Variants in ATP10B observed in about 807,000 individuals in gnomAD.
The protein encoded by ATP10B is ATPase phospholipid transporting 10B (putative).
In ATP10B, 122 loss-of-function variants were observed where a neutral mutation model predicts 141.2. The observed-to-expected ratio is 0.86, with a 90% CI of 0.75 to 1.00. The LOEUF is 1.00. Among genes scored for constraint, ATP10B ranks in the 50% least tolerant of loss-of-function variants. ATP10B has a pLI of 0.00. For missense variants in ATP10B, 1,876 were observed against 1,825.3 expected, an observed-to-expected ratio of 1.03 and a Z score of -0.51; for synonymous variants, 685 against 692.0, an observed-to-expected ratio of 0.99 and a Z score of 0.16.
the ATP10B span, among the ~76,000 whole-genome samples, chr5:160,892,537 G>A: frequency 6.6e-6 from 1 of 152,230 alleles, no homozygotes; most frequent in East Asian, 1.9e-4. Context: ...GGCTGTGGTA[G>A]GTTCCCACTT....
At chr5:160,793,232 G>A (rs1046415662) in intron 1 of ATP10B, among the ~76,000 whole-genome samples, 5 of 150,624 alleles carry the variant, frequency 3.3e-5, no homozygotes, top group African/African-American at 1.2e-4. Context: ...TACTCTTTAG[G>A]AGCCTATTTA....
chr5:160,626,679 C>T (rs1175596925), intron 13 of ATP10B, among the ~76,000 whole-genome samples: 5 of 152,222 alleles, frequency 3.3e-5, no homozygotes, highest in Non-Finnish European at 7.3e-5. Context: ...CCGAGTGGGG[C>T]CTGAGCATTG....
At chr5:160,798,268 T>C (rs541366236) in intron 1 of ATP10B, among the ~76,000 whole-genome samples, 2 of 152,274 alleles carry the variant, frequency 1.3e-5, no homozygotes, top group East Asian at 1.9e-4. Flanking sequence ...GGGGGTTATA[T>C]TGGGTTGGAA....
intron 1 of ATP10B, among the ~76,000 whole-genome samples, chr5:160,846,945 C>T (rs894455954): frequency 4.6e-5 from 7 of 152,146 alleles, no homozygotes; most frequent in African/African-American, 7.2e-5. Flanking sequence ...TGATCCTATG[C>T]GGTTGAAGCC....
At chr5:160,652,923 TATATTATATATAC>T (rs1760948337) in intron 7 of ATP10B, among the ~76,000 whole-genome samples, 4 of 81,560 alleles carry the variant, frequency 4.9e-5, no homozygotes, top group Non-Finnish European at 8.2e-5. Flanking sequence ...GTATATATAA[TATATTATATATAC>T]ATGTATATAT....
intron 2 of ATP10B, among the ~76,000 whole-genome samples, chr5:160,749,388 A>G (rs1275817444): frequency 6.6e-6 from 1 of 152,172 alleles, no homozygotes; most frequent in Admixed American, 6.5e-5. Context: ...CCACAGGAAG[A>G]AGGAGCTGGG....
chr5:160,835,619 TACC>T (rs1406241052), intron 1 of ATP10B, among the ~76,000 whole-genome samples: 1 of 152,118 alleles, frequency 6.6e-6, no homozygotes, highest in East Asian at 1.9e-4. Flanking sequence ...GGATAAATAT[TACC>T]ACATCATTTT....
At chr5:160,830,991 A>ACACACT (rs1554122998) in intron 1 of ATP10B, among the ~76,000 whole-genome samples, 6,590 of 150,730 alleles carry the variant, frequency 0.044, 343 homozygotes, top group African/African-American at 0.12. Flanking sequence ...ACACACACAC[A>ACACACT]CACACACAGA....
intron 7 of ATP10B, among the ~76,000 whole-genome samples, chr5:160,669,224 G>A (rs1206741217): frequency 6.6e-6 from 1 of 152,180 alleles, no homozygotes; most frequent in Non-Finnish European, 1.5e-5. Flanking sequence ...AACACATATT[G>A]CCTATGAAAG....
intron 6 of ATP10B, among the ~76,000 whole-genome samples, chr5:160,681,953 T>C (rs756997228): frequency 1.2e-4 from 18 of 152,176 alleles, no homozygotes; most frequent in Non-Finnish European, 2.4e-4. Context: ...CTAGGATAAA[T>C]GCATGGCCTC....
chr5:160,876,652 GAA>G, the ATP10B span, among the ~76,000 whole-genome samples: 1 of 151,716 alleles, frequency 6.6e-6, no homozygotes, highest in African/African-American at 2.4e-5. Flanking sequence ...GACTAATAAA[GAA>G]AAAAGAGAGT....
intron 3 of ATP10B, among the ~76,000 whole-genome samples, chr5:160,708,746 T>G (rs567205415): frequency 2.6e-5 from 4 of 152,204 alleles, no homozygotes. Context: ...TCTGCTATGT[T>G]CCTATGGCAC....
At chr5:160,699,643 A>AAAAACTGATATG (rs1187654798) in intron 3 of ATP10B, among the ~76,000 whole-genome samples, 1 of 152,168 alleles carries the variant, frequency 6.6e-6, no homozygotes, top group Non-Finnish European at 1.5e-5. Context: ...ATGGAGTGAG[A>AAAAACTGATATG]AAAACTGATA....
chr5:160,728,560 C>T (rs1766523247), intron 2 of ATP10B, among the ~76,000 whole-genome samples: 1 of 152,170 alleles, frequency 6.6e-6, no homozygotes, highest in Admixed American at 6.5e-5. Context: ...TTTGGGCCTT[C>T]CCTGGCTCCT....
intron 1 of ATP10B, among the ~76,000 whole-genome samples, chr5:160,792,159 G>T (rs979436107): frequency 3.0e-4 from 45 of 151,950 alleles, no homozygotes; most frequent in African/African-American, 9.2e-4. Flanking sequence ...TGTACCCCTT[G>T]TCACACTCCA....
At chr5:160,587,804 G>T (rs537567808) in intron 24 of ATP10B, among the ~76,000 whole-genome samples, 4 of 152,280 alleles carry the variant, frequency 2.6e-5, no homozygotes, top group Non-Finnish European at 4.4e-5. Flanking sequence ...TGCTGAAGTT[G>T]CTCATCAGCT....
chr5:160,885,718 TG>T, the ATP10B span, among the ~76,000 whole-genome samples: 1 of 152,210 alleles, frequency 6.6e-6, no homozygotes, highest in African/African-American at 2.4e-5. Context: ...GAAAATCCCT[TG>T]TGCCTTATGA....
chr5:160,586,008 C>T (rs572621333), intron 24 of ATP10B, among the ~76,000 whole-genome samples: 17 of 152,264 alleles, frequency 1.1e-4, no homozygotes, highest in Admixed American at 3.3e-4. Flanking sequence ...ATGTACAGAA[C>T]GTGCAAGTTT....
intron 9 of ATP10B, among the ~76,000 whole-genome samples, chr5:160,641,289 G>A (rs1033888623): frequency 6.6e-6 from 1 of 152,166 alleles, no homozygotes; most frequent in African/African-American, 2.4e-5. Context: ...CAGTGCCTGG[G>A]ACCAGCAGTT....
Sources: allele counts gnomAD v4.1 joint callset (sites outside exome capture counted in the v4.1 genomes callset), GRCh38; gene constraint gnomAD v4.1.1; transcripts MANE v1.5; gene names NCBI Gene and HGNC (gene_info 2026-07-23, HGNC 2026-07-21).